The following PSMD1 variants were observed in gnomAD, a reference collection of about 807,000 sequenced individuals.
PSMD1 encodes the protein proteasome 26S subunit, non-ATPase 1.
In PSMD1, 18 loss-of-function variants were observed where a neutral mutation model predicts 119.0. That is an observed-to-expected ratio of 0.15 (90% CI 0.10 to 0.22). The LOEUF is 0.22. Ranked by LOEUF, PSMD1 falls within the 10% of genes least tolerant of loss-of-function variation. PSMD1 has a pLI of 1.00. For missense variants in PSMD1, 702 were observed against 1,158.5 expected, an observed-to-expected ratio of 0.61 and a Z score of 5.72; for synonymous variants, 374 against 396.6, an observed-to-expected ratio of 0.94 and a Z score of 0.68.
chr2:231,100,937 C>G (rs1694851756), intron 16 of PSMD1, among the ~76,000 whole-genome samples: 1 of 152,164 alleles, frequency 6.6e-6, no homozygotes, highest in Admixed American at 6.5e-5. Context: ...TTGCAGCGTT[C>G]CTCACGCGGG....
At chr2:231,096,188 A>G (rs1347380876) in intron 16 of PSMD1, among the ~76,000 whole-genome samples, 1 of 152,234 alleles carries the variant, frequency 6.6e-6, no homozygotes, top group Non-Finnish European at 1.5e-5. Flanking sequence ...TTGCATTACC[A>G]GGCAGGCTAA....
chr2:231,151,803 A>ATTTTTT (rs57347945), intron 18 of PSMD1, among the ~76,000 whole-genome samples: 1 of 95,638 alleles, frequency 1.0e-5, no homozygotes, highest in Non-Finnish European at 1.9e-5. Flanking sequence ...AAACATGAGA[A>ATTTTTT]TTTTTTTTTT....
rs556771162 is a variant in PSMD1, at chr2:231,073,181, G to T, written c.881+766G>T. On this transcript the variant is annotated intron_variant, in intron 7 of 24. Coordinates refer to ENST00000308696, the MANE Select transcript of PSMD1 (RefSeq NM_002807.4). ...TTGATTGAGTTTGCTGTTTTATATG[G>T]GTGTGGTTCGTGGTGTCCCAAAACA... 5.3e-5 allele frequency among the ~76,000 whole-genome samples: 8 copies of T among 152,200 alleles called. No individual in the cohort carries two copies. In the South Asian group the frequency reaches 1.7e-3, roughly 32 times the overall value.
Position 231,165,861 on chromosome 2 carries a change from T to G in PSMD1, c.2569-10T>G. 1 of 1,578,332 alleles carries G rather than the reference T, an allele frequency of 6.3e-7. No individual in the cohort carries two copies. The highest frequency in any genetic ancestry group is 8.6e-7 in the Non-Finnish European group (1 of 1,162,052). On this transcript the variant is annotated splice_polypyrimidine_tract_variant and intron_variant, in intron 22 of 24. Coordinates refer to ENST00000308696, the MANE Select transcript of PSMD1 (RefSeq NM_002807.4). ...CTTCTGTTGAACTTTTTTTAAATTT[T>G]ATTTTATAGGATGAGGCAGAGAAAA... is the stretch of plus-strand genomic sequence containing the variant.
At chr2:231,102,954 G>A (rs1694904394) in intron 16 of PSMD1, among the ~76,000 whole-genome samples, 2 of 152,216 alleles carry the variant, frequency 1.3e-5, no homozygotes, top group South Asian at 4.1e-4. Context: ...TAAAGTGCAT[G>A]TTAGATGAGT....
chr2:231,156,107 T>C (rs6707708), intron 19 of PSMD1, among the ~76,000 whole-genome samples: 67,036 of 152,018 alleles, frequency 0.44, 16,337 homozygotes, highest in African/African-American at 0.64. Flanking sequence ...ATTTCTTTTA[T>C]TGCAGCTTTT....
chr2:231,102,596 G>A (rs1559230798), intron 16 of PSMD1, among the ~76,000 whole-genome samples: 1 of 152,054 alleles, frequency 6.6e-6, no homozygotes, highest in Non-Finnish European at 1.5e-5. Flanking sequence ...GAAAACACTC[G>A]TCTTCACTAT....
chr2:231,113,534 G>A (rs536247393), intron 16 of PSMD1, among the ~76,000 whole-genome samples: 4 of 152,276 alleles, frequency 2.6e-5, no homozygotes, highest in African/African-American at 7.2e-5. Flanking sequence ...TTTGTTACTT[G>A]TCACACTTTT....
intron 18 of PSMD1, among the ~76,000 whole-genome samples, chr2:231,152,934 T>A (rs929079293): frequency 2.0e-5 from 3 of 152,178 alleles, no homozygotes; most frequent in African/African-American, 7.2e-5. Flanking sequence ...AAATAATACA[T>A]ATTAATTTTA....
At chr2:231,079,996 T>C (rs1378882288) in intron 11 of PSMD1, 145 bp from the exon 12 acceptor site, 6 of 659,824 alleles carry the variant, frequency 9.1e-6, no homozygotes, top group South Asian at 5.7e-5. Flanking sequence ...GTTTGAGTTA[T>C]ACAATTATAT....
Position 231,066,982 on chromosome 2 carries a change from C to T in PSMD1, c.381C>T (p.Asp127=), listed in dbSNP as rs1693923606. ...DLPEGEKKPI[D]QRLEGIVNKM... ...CTGAAGGAGAAAAAAAACCAATTGA[C>T]CAGAGATTGGAAGGCATCGTAAATA... The change falls in exon 5 of 25, where the codon GAC becomes GAT. Residue 127 remains aspartate (D), a synonymous_variant. Transcript: ENST00000308696. 5.0e-6 allele frequency: 8 copies of T among 1,613,352 alleles called. No individual in the cohort carries two copies. The highest frequency in any genetic ancestry group is 2.2e-5 in the East Asian group (1 of 44,844).
chr2:231,116,514 GT>G (rs1695339426), intron 16 of PSMD1, among the ~76,000 whole-genome samples: 1 of 151,672 alleles, frequency 6.6e-6, no homozygotes, highest in South Asian at 2.1e-4. Context: ...GAAGATTAAG[GT>G]TTGGAAAATT....
At chr2:231,154,973 C>T (rs1696452565) in intron 19 of PSMD1, among the ~76,000 whole-genome samples, 1 of 152,186 alleles carries the variant, frequency 6.6e-6, no homozygotes, top group South Asian at 2.1e-4. Flanking sequence ...ACCATAATAC[C>T]ATAGTCTGTT....
Position 231,078,679 on chromosome 2 carries a change from A to T in PSMD1, c.1092A>T (p.Val364=). 6.2e-7 allele frequency: 1 copy of T among 1,606,030 alleles called. No individual in the cohort carries two copies. The highest frequency in any genetic ancestry group is 8.5e-7 in the Non-Finnish European group (1 of 1,177,050). ...TGCAGGATGCAGTACGGAATTCTGT[A>T]TGTCATACTGCAACCGTTATAGCAA... ...KNTKDAVRNS[V]CHTATVIANS... is the part of the protein sequence containing the mutation. Residue 364 remains valine, a synonymous_variant, in exon 10 of 25, where the codon GTA becomes GTT. Transcript: ENST00000308696.
At chr2:231,123,495 A>G (rs776201199) in intron 16 of PSMD1, 58 of 1,614,002 alleles carry the variant, frequency 3.6e-5, no homozygotes, top group Non-Finnish European at 4.8e-5. Flanking sequence ...TTAGAAAGTA[A>G]TTAGTAGCAT....
chr2:231,113,741 A>C (rs1274524359), intron 16 of PSMD1: 1 of 1,613,932 alleles, frequency 6.2e-7, no homozygotes, highest in Non-Finnish European at 8.5e-7. Context: ...ATTGAAATTA[A>C]CCACACCACT....
rs77146511 is a variant in PSMD1 at position 231,100,380 on chromosome 2, C to A, written c.1883+13199C>A. ...CATTCCCCTGTTGGCAAGGGTTAGA[C>A]GCACAGGCTAAACTAATTCTGATTG... On this transcript the variant is annotated intron_variant, in intron 16 of 24. Transcript: ENST00000308696. Among the ~76,000 whole-genome samples, 1,196 of 152,138 alleles carry A rather than the reference C, an allele frequency of 7.9e-3. 23 individuals are homozygous for A. Among genetic ancestry groups the A allele is most frequent in the African/African-American group, 0.028 (1,151 of 41,534 alleles).
chr2:231,170,800 C>T lies in PSMD1; in HGVS notation c.*9+79C>T, dbSNP rs998561961. ...TGTTTTTTGCAAGGACATCATCTCA[C>T]GTTTTTCCTTCCTTTTGTGTTTAAT... is the stretch of plus-strand genomic sequence containing the variant. On this transcript the variant is annotated intron_variant, in intron 24 of 24. Transcript: ENST00000308696. This position sits in a 1 kb window ranked among gnomAD's most constrained non-coding sequence, Gnocchi z 4.1. 24 of 1,390,514 alleles carry T rather than the reference C, an allele frequency of 1.7e-5. No homozygotes were observed. The highest frequency in any genetic ancestry group is 5.1e-4 in the Middle Eastern group (2 of 3,896). The allele number at this position is 1,390,514 out of a possible 1,614,324, so 86.1% of individuals were successfully genotyped here. A position where few individuals can be genotyped will look rare whatever the true frequency, so the allele number is the denominator to read the frequency against.
intron 4 of PSMD1, among the ~76,000 whole-genome samples, chr2:231,064,186 C>T (rs1039358770): frequency 6.6e-6 from 1 of 152,166 alleles, no homozygotes; most frequent in Non-Finnish European, 1.5e-5. Context: ...AAGTGGGGTT[C>T]ACCCTTCCTC....
Sources: gnomAD v4.1 joint callset for allele counts (sites outside exome capture counted in the v4.1 genomes callset) on GRCh38, gnomAD v4.1.1 for gene constraint, Gnocchi (gnomAD v3.1) non-coding constraint, MANE v1.5 for transcripts, NCBI Gene and HGNC (gene_info 2026-07-23, HGNC 2026-07-21) for gene names.